Variants in SV2C observed in about 807,000 individuals in gnomAD.
SV2C encodes solute carrier family 22 member B3.
In SV2C, 49 loss-of-function variants were observed where a neutral mutation model predicts 79.7. The ratio of observed to expected loss-of-function variants is 0.61; its 90% CI spans 0.49 to 0.78. The LOEUF is 0.78. Ranked by LOEUF, SV2C falls within the 30% of genes least tolerant of loss-of-function variation. The probability of loss-of-function intolerance (pLI) is 0.00; values close to 1 mark genes in which losing one functional copy is unlikely to be tolerated. For missense variants in SV2C, 833 were observed against 912.9 expected, an observed-to-expected ratio of 0.91 and a Z score of 1.13; for synonymous variants, 334 against 333.2, an observed-to-expected ratio of 1.00 and a Z score of -0.03.
At chr5:76,098,491 A>C (rs943272809) in intron 1 of SV2C, among the ~76,000 whole-genome samples, 4 of 152,222 alleles carry the variant, frequency 2.6e-5, no homozygotes, top group Non-Finnish European at 5.9e-5. Flanking sequence ...ATCACACTCT[A>C]TCTGCGGCAT....
In SV2C at chr5:76,325,454, A is replaced by G. The variant is rs144432519; in HGVS notation, c.2091A>G (p.Lys697=). The part of the protein sequence containing the change: ...LIFGSLVSIT[K]SIPILLASTV... ...TTGGCTCTCTGGTCAGCATCACCAA[A>G]TCAATCCCCATCCTGCTGGCTTCTA... Residue 697 remains lysine, a synonymous_variant, in exon 13 of 13, where the codon AAA becomes AAG. Transcript: ENST00000502798. The G allele has an allele frequency of 8.0e-5, 129 of 1,614,162 alleles. No individual in the cohort carries two copies. The highest frequency in any genetic ancestry group is 1.0e-4 in the Non-Finnish European group (119 of 1,180,030).
intron 3 of SV2C, among the ~76,000 whole-genome samples, chr5:76,196,253 A>C (rs1259207256): frequency 6.6e-6 from 1 of 152,238 alleles, no homozygotes; most frequent in Non-Finnish European, 1.5e-5. Context: ...ACTAAGTTGC[A>C]CAAATTTTAG....
At chr5:75,957,761 G>A in the SV2C span, among the ~76,000 whole-genome samples, 1 of 151,996 alleles carries the variant, frequency 6.6e-6, no homozygotes, top group Non-Finnish European at 1.5e-5. Flanking sequence ...TATTTTAAAA[G>A]TCTGCCATAT....
chr5:76,138,856 C>T (rs973537326), intron 2 of SV2C, among the ~76,000 whole-genome samples: 14 of 152,230 alleles, frequency 9.2e-5, no homozygotes, highest in Non-Finnish European at 2.1e-4. Flanking sequence ...CAGCGGCTCA[C>T]GCCTGTAATC....
chr5:76,234,639 G>A (rs772044434), intron 4 of SV2C, among the ~76,000 whole-genome samples: 3 of 152,178 alleles, frequency 2.0e-5, no homozygotes, highest in South Asian at 2.1e-4. Flanking sequence ...CACTGCCACC[G>A]TCCTTAAAAA....
chr5:75,999,603 A>G, the SV2C span, among the ~76,000 whole-genome samples: 1 of 152,024 alleles, frequency 6.6e-6, no homozygotes, highest in African/African-American at 2.4e-5. Context: ...TCAAGCAGTG[A>G]AGCAAAATAA....
intron 4 of SV2C, among the ~76,000 whole-genome samples, chr5:76,263,481 T>A (rs763925485): frequency 1.1e-4 from 17 of 152,148 alleles, no homozygotes; most frequent in Admixed American, 4.6e-4. Context: ...TTAATATTGT[T>A]ATGTGTGAAT....
the SV2C span, among the ~76,000 whole-genome samples, chr5:75,942,795 C>T: frequency 6.6e-6 from 1 of 152,066 alleles, no homozygotes; most frequent in East Asian, 1.9e-4. Flanking sequence ...TACTGTTATT[C>T]CTTCACTAGT....
chr5:75,848,504 A>G, the SV2C span, among the ~76,000 whole-genome samples: 2 of 152,238 alleles, frequency 1.3e-5, no homozygotes, highest in Non-Finnish European at 2.9e-5. Flanking sequence ...TGACTTGATA[A>G]CAAGTCAGAA....
At chr5:76,027,785 A>G in the SV2C span, among the ~76,000 whole-genome samples, 2 of 152,154 alleles carry the variant, frequency 1.3e-5, no homozygotes, top group African/African-American at 4.8e-5. Context: ...CTCAGTCCAG[A>G]GTTAAATATT....
chr5:76,056,235 ATC>A, the SV2C span, among the ~76,000 whole-genome samples: 1 of 152,178 alleles, frequency 6.6e-6, no homozygotes, highest in African/African-American at 2.4e-5. Context: ...CCTTTTCTGC[ATC>A]TGTTGAGATA....
chr5:76,020,365 T>A, the SV2C span, among the ~76,000 whole-genome samples: 3 of 152,230 alleles, frequency 2.0e-5, no homozygotes, highest in Admixed American at 2.0e-4. Flanking sequence ...TTGTATGTTT[T>A]CCATTCTTCA....
At chr5:76,117,887 A>G (rs988083865) in intron 1 of SV2C, among the ~76,000 whole-genome samples, 8 of 152,220 alleles carry the variant, frequency 5.3e-5, no homozygotes, top group African/African-American at 1.9e-4. Flanking sequence ...TAGACTATAT[A>G]AAAATTGTTT....
chr5:76,347,910 C>T (rs1016444598), intron 12 of SV2C, among the ~76,000 whole-genome samples: 3 of 152,166 alleles, frequency 2.0e-5, no homozygotes, highest in Admixed American at 6.5e-5. Flanking sequence ...GATGACCCTA[C>T]TTTGACACAT....
chr5:76,276,691 C>T (rs764901722), intron 4 of SV2C, among the ~76,000 whole-genome samples: 3 of 149,414 alleles, frequency 2.0e-5, no homozygotes, highest in Non-Finnish European at 4.4e-5. Flanking sequence ...GTAGCTATGA[C>T]CACAGGTATG....
intron 2 of SV2C, among the ~76,000 whole-genome samples, chr5:76,164,666 C>G (rs569891571): frequency 3.3e-5 from 5 of 151,848 alleles, no homozygotes; most frequent in Non-Finnish European, 7.4e-5. Flanking sequence ...GCATTAGACT[C>G]TGCTTGTCAC....
At chr5:76,024,093 T>C in the SV2C span, among the ~76,000 whole-genome samples, 1 of 152,114 alleles carries the variant, frequency 6.6e-6, no homozygotes, top group Non-Finnish European at 1.5e-5. Context: ...TTCAGGTTAT[T>C]TTCTGTTTTT....
intron 4 of SV2C, among the ~76,000 whole-genome samples, chr5:76,247,159 G>A (rs1371061630): frequency 6.6e-6 from 1 of 152,188 alleles, no homozygotes; most frequent in Non-Finnish European, 1.5e-5. Flanking sequence ...GGGCCAGTGA[G>A]GCGGACACAC....
At chr5:76,319,375 G>A (rs566078354) in intron 12 of SV2C, among the ~76,000 whole-genome samples, 10 of 151,906 alleles carry the variant, frequency 6.6e-5, no homozygotes, top group South Asian at 4.2e-4. Context: ...CCATGATCGC[G>A]CCACTGCACT....
Sources: allele counts gnomAD v4.1 joint callset (sites outside exome capture counted in the v4.1 genomes callset), GRCh38; gene constraint gnomAD v4.1.1; transcripts MANE v1.5; gene names NCBI Gene and HGNC (gene_info 2026-07-23, HGNC 2026-07-21).